PDE11A: variants seen among roughly 807,000 people sequenced by gnomAD.
The protein encoded by PDE11A is phosphodiesterase 11A.
A neutral mutation model predicts 100.5 loss-of-function variants in PDE11A; 100 were observed. That is an observed-to-expected ratio of 1.00 (90% confidence interval 0.85 to 1.18). The LOEUF (loss-of-function observed/expected upper bound fraction) is 1.18, where lower values mean the gene tolerates loss of function less well. PDE11A is among the 50% of genes most tolerant of loss of function. The pLI is 0.00. For missense variants in PDE11A, 1,141 were observed against 1,152.6 expected, an observed-to-expected ratio of 0.99 and a Z score of 0.15; for synonymous variants, 381 against 420.8, an observed-to-expected ratio of 0.91 and a Z score of 1.16.
chr2:177,657,819 G>A (rs1279143035), intron 19 of PDE11A, among the ~76,000 whole-genome samples: 1 of 152,204 alleles, frequency 6.6e-6, no homozygotes, highest in East Asian at 1.9e-4. Flanking sequence ...AAAGCAAGTT[G>A]GTATCGCCCA....
At chr2:177,737,307 G>A (rs543277354) in intron 10 of PDE11A, among the ~76,000 whole-genome samples, 1 of 151,496 alleles carries the variant, frequency 6.6e-6, no homozygotes, top group African/African-American at 2.4e-5. Context: ...GGCTGGGTGC[G>A]GTGGCTCACA....
At chr2:178,035,091 G>GT (rs895552317) in intron 1 of PDE11A, among the ~76,000 whole-genome samples, 14 of 151,072 alleles carry the variant, frequency 9.3e-5, no homozygotes, top group East Asian at 1.9e-4. Context: ...TCCAGGAGCT[G>GT]TTTTTTTTTA....
At chr2:177,934,450 A>G (rs1011998820) in intron 2 of PDE11A, among the ~76,000 whole-genome samples, 1 of 152,230 alleles carries the variant, frequency 6.6e-6, no homozygotes, top group Non-Finnish European at 1.5e-5. Context: ...ATCTCACAGC[A>G]GTCAAAATGG....
At chr2:177,931,915 A>G (rs1020114549) in intron 2 of PDE11A, among the ~76,000 whole-genome samples, 1 of 150,528 alleles carries the variant, frequency 6.6e-6, no homozygotes, top group African/African-American at 2.4e-5. Context: ...GATTAACAAA[A>G]AAAAAAAAAA....
At chr2:177,759,201 ACG>A (rs58029037) in intron 10 of PDE11A, among the ~76,000 whole-genome samples, 3,894 of 149,624 alleles carry the variant, frequency 0.026, 167 homozygotes, top group African/African-American at 0.09. Flanking sequence ...ACACACACAC[ACG>A]CACACACAAA....
chr2:177,810,875 G>A (rs1052428100), intron 9 of PDE11A, among the ~76,000 whole-genome samples: 2 of 152,134 alleles, frequency 1.3e-5, no homozygotes, highest in African/African-American at 4.8e-5. Flanking sequence ...CAATTGGAAA[G>A]GCAGAAATAG....
chr2:178,033,227 C>T (rs1424032503), intron 1 of PDE11A, among the ~76,000 whole-genome samples: 1 of 152,122 alleles, frequency 6.6e-6, no homozygotes, highest in Admixed American at 6.5e-5. Flanking sequence ...AGCTGAAAAA[C>T]ACAGCACGAG....
chr2:178,032,720 C>T (rs1349951548), intron 1 of PDE11A, among the ~76,000 whole-genome samples: 1 of 152,206 alleles, frequency 6.6e-6, no homozygotes, highest in Non-Finnish European at 1.5e-5. Context: ...GCAGTCTTTG[C>T]TGTTCTGCAG....
chr2:177,762,304 C>G (rs981749115), intron 10 of PDE11A, among the ~76,000 whole-genome samples: 19 of 152,300 alleles, frequency 1.2e-4, no homozygotes, highest in Middle Eastern at 3.4e-3. Flanking sequence ...ATTGTGATGG[C>G]TAACCCAAGC....
chr2:178,036,272 C>T (rs768443737), intron 1 of PDE11A, among the ~76,000 whole-genome samples: 1 of 152,024 alleles, frequency 6.6e-6, no homozygotes, highest in Non-Finnish European at 1.5e-5. Context: ...CTCCCATTCA[C>T]GATTGCTATA....
chr2:177,717,334 A>G (rs2081454235), intron 12 of PDE11A, among the ~76,000 whole-genome samples: 1 of 148,432 alleles, frequency 6.7e-6, no homozygotes, highest in Non-Finnish European at 1.5e-5. Context: ...TCCCAGGGCT[A>G]TCCATTCAGG....
chr2:178,059,467 G>A (rs920232332), intron 1 of PDE11A, among the ~76,000 whole-genome samples: 9 of 152,178 alleles, frequency 5.9e-5, no homozygotes, highest in Non-Finnish European at 8.8e-5. Flanking sequence ...ACCATGGGTC[G>A]GGTGGCTGCC....
chr2:178,049,364 G>C (rs554305766), intron 1 of PDE11A, among the ~76,000 whole-genome samples: 13 of 152,238 alleles, frequency 8.5e-5, no homozygotes, highest in South Asian at 8.3e-4. Context: ...GCCAGGCTTG[G>C]GGGGGAAGTT....
In PDE11A at chr2:177,812,988, G is replaced by C. The variant is rs1242458390; in HGVS notation, c.1737+3841C>G. Among the ~76,000 whole-genome samples, 6 of 152,262 alleles carry C rather than the reference G, an allele frequency of 3.9e-5. No homozygotes were observed. The East Asian group carries it at 1.2e-3, about 29-fold the overall frequency. ...TAGGGGGGAATCCCACAAATTTGGA[G>C]TGGAAACTAGGTGGGGACTTAAGGC... On this transcript the variant is annotated intron_variant, in intron 9 of 19. Transcript: ENST00000286063.
intron 2 of PDE11A, among the ~76,000 whole-genome samples, chr2:177,993,567 T>C (rs947859374): frequency 2.6e-5 from 4 of 152,204 alleles, no homozygotes; most frequent in South Asian, 2.1e-4. Flanking sequence ...TGTGACTTCA[T>C]TGATATAATC....
chr2:177,905,348 T>C (rs969616268), intron 2 of PDE11A, among the ~76,000 whole-genome samples, 161 bp from the exon 3 acceptor site: 1 of 152,244 alleles, frequency 6.6e-6, no homozygotes, highest in Non-Finnish European at 1.5e-5. Flanking sequence ...TTTAACTTCA[T>C]TATGAATATT....
intron 19 of PDE11A, among the ~76,000 whole-genome samples, chr2:177,642,899 C>T (rs889205305): frequency 2.0e-5 from 3 of 152,140 alleles, no homozygotes; most frequent in African/African-American, 4.8e-5. Flanking sequence ...ATAAGTCTCA[C>T]GAGATCTGAT....
At chr2:177,910,448 A>T (rs1294795570) in intron 2 of PDE11A, among the ~76,000 whole-genome samples, 1 of 133,864 alleles carries the variant, frequency 7.5e-6, no homozygotes, top group Non-Finnish European at 1.7e-5. Flanking sequence ...ATATATATAC[A>T]CACACACACA....
intron 2 of PDE11A, among the ~76,000 whole-genome samples, chr2:177,993,678 C>G (rs2086032191): frequency 6.6e-6 from 1 of 151,990 alleles, no homozygotes; most frequent in Non-Finnish European, 1.5e-5. Flanking sequence ...GTACTCTTTA[C>G]TTTGAGCTCC....
Sources: allele counts gnomAD v4.1 joint callset (sites outside exome capture counted in the v4.1 genomes callset), GRCh38; gene constraint gnomAD v4.1.1; transcripts MANE v1.5; gene names NCBI Gene and HGNC (gene_info 2026-07-23, HGNC 2026-07-21).